Variants in TOMM6 observed in about 807,000 individuals in gnomAD.
TOMM6 encodes the protein mitochondrial import receptor subunit TOM6 homolog.
TOMM6 carries 6 observed loss-of-function variants against 6.0 expected under a neutral mutation model. The ratio of observed to expected loss-of-function variants is 1.00; its 90% confidence interval spans 0.55 to 1.98. TOMM6 has a LOEUF of 1.98. Ranked by LOEUF, TOMM6 falls within the 30% of genes most tolerant of loss-of-function variation. The pLI is 0.00. For synonymous variants in TOMM6, 44 were observed against 36.3 expected (o/e 1.21, Z -0.76); for missense variants, 104 against 95.3 (o/e 1.09, Z -0.38).
At position 41,788,146 on chromosome 6, in the gene TOMM6, G is replaced by GTTTT. The variant is rs1363261822; in HGVS notation, c.128+334_128+337dup. Among the ~76,000 whole-genome samples the GTTTT allele has an allele frequency of 3.1e-5, 3 of 95,966 alleles. 1 individual carries two copies. Among genetic ancestry groups the GTTTT allele is most frequent in the Non-Finnish European group, 6.6e-5 (3 of 45,152 alleles). The allele number at this position is 95,966 out of a possible 152,430, so 63.0% of individuals were successfully genotyped here. A position where few individuals can be genotyped will look rare whatever the true frequency, so the allele number is the denominator to read the frequency against. Reference sequence around the variant, plus strand: ...GCGTTTGATCTTACATTTCTTTTTTGTTTTTTTTTTTTTTTTGAGACGGAG... The same window carrying GTTTT: ...GCGTTTGATCTTACATTTCTTTTTTGTTTTTTTTTTTTTTTTTTTTGAGACGGAG... On this transcript the variant is annotated intron_variant, in intron 1 of 2. Coordinates refer to ENST00000398881, the MANE Select transcript of TOMM6 (RefSeq NM_001382294.1).
rs1312020032 is a variant in TOMM6 at position 41,787,813 on chromosome 6, A to G, written c.116A>G (p.Asn39Ser). ...GTCTACCGCTTTGCCACTGATAGGAATGACTTCCGGAGGTAACCGAGCCCG... is the reference window on the plus strand; with the variant it reads ...GTCTACCGCTTTGCCACTGATAGGAGTGACTTCCGGAGGTAACCGAGCCCG... ...RGVYRFATDRNDFRRNLILNL... is the reference protein window; with the variant it reads ...RGVYRFATDRSDFRRNLILNL... The change falls in exon 1 of 3, where the codon AAT becomes AGT. Residue 39 changes from asparagine (N) to serine (S), a missense_variant. Asn to Ser is a conservative substitution (Grantham distance 46). Transcript: ENST00000398881. The G allele has an allele frequency of 1.3e-6, 2 of 1,551,622 alleles. No homozygotes were observed. The highest frequency in any genetic ancestry group is 1.7e-6 in the Non-Finnish European group (2 of 1,146,996).
rs568384097 is a variant in TOMM6, at chr6:41,789,227, T to C, written c.129-5T>C. The C allele has an allele frequency of 1.0e-5, 16 of 1,550,198 alleles. No homozygotes were observed. In the South Asian group the frequency reaches 1.2e-4, roughly 12 times the overall value. ...CAGGGTTAATAAAACACATTGTTTTTCCAGGAACTTGATACTAAATTTGGG... is the reference window on the plus strand; with the variant it reads ...CAGGGTTAATAAAACACATTGTTTTCCCAGGAACTTGATACTAAATTTGGG... On this transcript the variant is annotated splice_region_variant and splice_polypyrimidine_tract_variant and intron_variant, in intron 1 of 2. Transcript: ENST00000398881.
intron 2 of TOMM6, 97 bp downstream of exon 2, chr6:41,789,433 G>T (rs996547764): frequency 2.1e-6 from 2 of 945,700 alleles, no homozygotes; most frequent in African/African-American, 3.3e-5. Flanking sequence ...ACAAAAGAAT[G>T]TGATGTAAAA....
chr6:41,787,899 C>T (rs1207609051), intron 1 of TOMM6, 74 bp downstream of exon 1: 1 of 1,522,950 alleles, frequency 6.6e-7, no homozygotes, highest in African/African-American at 1.4e-5. Flanking sequence ...GAGGCTGGCG[C>T]CTCAGGGTTT....
intron 1 of TOMM6, among the ~76,000 whole-genome samples, chr6:41,788,979 C>T (rs1208863551): frequency 6.6e-6 from 1 of 152,102 alleles, no homozygotes; most frequent in African/African-American, 2.4e-5. Flanking sequence ...CTCCTGACTT[C>T]GTGATCCGCC....
Position 41,789,216 on chromosome 6 carries a change from C to G in TOMM6, c.129-16C>G, listed in dbSNP as rs1772748162. ...CTCAGTGACCACAGGGTTAATAAAACACATTGTTTTTCCAGGAACTTGATA... is the reference window on the plus strand; with the variant it reads ...CTCAGTGACCACAGGGTTAATAAAAGACATTGTTTTTCCAGGAACTTGATA... On this transcript the variant is annotated splice_polypyrimidine_tract_variant and intron_variant, in intron 1 of 2. Transcript: ENST00000398881. The G allele has an allele frequency of 1.3e-6, 2 of 1,548,862 alleles. No homozygotes were observed. Among genetic ancestry groups the G allele is most frequent in the Non-Finnish European group, 1.7e-6 (2 of 1,145,804 alleles).
At chr6:41,788,534 C>T (rs1279897064) in intron 1 of TOMM6, among the ~76,000 whole-genome samples, 1 of 142,556 alleles carries the variant, frequency 7.0e-6, no homozygotes, top group African/African-American at 2.6e-5. Flanking sequence ...CTCACTGCCC[C>T]TTCTGCCTCC....
intron 1 of TOMM6, 137 bp from the exon 2 acceptor site, chr6:41,789,095 C>A: frequency 1.3e-6 from 1 of 782,820 alleles, no homozygotes; most frequent in Non-Finnish European, 2.1e-6. Flanking sequence ...CCACGTGGGT[C>A]TTGAGCAACC....
intron 1 of TOMM6, 73 bp from the exon 2 acceptor site, chr6:41,789,159 C>G: frequency 7.3e-7 from 1 of 1,369,236 alleles, no homozygotes. Context: ...GAAGCCTTTC[C>G]CCCCAGTACA....
chr6:41,789,429 G>T (rs1227295515), intron 2 of TOMM6, 93 bp downstream of exon 2: 2 of 963,866 alleles, frequency 2.1e-6, no homozygotes, highest in Non-Finnish European at 3.2e-6. Context: ...ATGTACAAAA[G>T]AATGTGATGT....
rs1369387453 is a variant in TOMM6 at position 41,789,794 on chromosome 6, C to G, written c.*235C>G. 6.3e-6 allele frequency: 1 copy of G among 157,498 alleles called. No individual in the cohort carries two copies. Among genetic ancestry groups the G allele is most frequent in the East Asian group, 1.8e-4 (1 of 5,608 alleles). 9.8% of individuals were successfully genotyped at this position (157,498 alleles called of 1,614,324 possible). A position where few individuals can be genotyped will look rare whatever the true frequency, so the allele number is the denominator to read the frequency against. ...TGCCTCTATTCTGTAAAGTTCTGTA[C>G]ATAGTTCCCAAGCTTCTGCAGGGGG... is the stretch of plus-strand genomic sequence containing the variant. On this transcript the variant is annotated 3_prime_UTR_variant, in exon 3 of 3. Coordinates refer to ENST00000398881, the MANE Select transcript of TOMM6 (RefSeq NM_001382294.1).
At chr6:41,789,159 C>T (rs1772746817) in intron 1 of TOMM6, 73 bp from the exon 2 acceptor site, 4 of 1,369,116 alleles carry the variant, frequency 2.9e-6, no homozygotes, top group Non-Finnish European at 4.1e-6. Flanking sequence ...GAAGCCTTTC[C>T]CCCCAGTACA....
Position 41,789,236 on chromosome 6 carries a change from T to C in TOMM6, c.133T>C (p.Leu45=). Residue 45 remains leucine, a synonymous_variant, in exon 2 of 3, where the codon TTG becomes CTG. Transcript: ENST00000398881. ...ATDRNDFRRN[L]ILNLGLFAAG... Reference sequence around the variant, plus strand: ...TAAAACACATTGTTTTTCCAGGAACTTGATACTAAATTTGGGACTCTTTGC... The same window carrying C: ...TAAAACACATTGTTTTTCCAGGAACCTGATACTAAATTTGGGACTCTTTGC... 6.4e-7 allele frequency: 1 copy of C among 1,550,702 alleles called. No homozygotes were observed. Among genetic ancestry groups the C allele is most frequent in the Non-Finnish European group, 8.7e-7 (1 of 1,146,922 alleles).
chr6:41,787,881 T>C (rs1054917514), intron 1 of TOMM6, 56 bp downstream of exon 1: 2 of 1,534,042 alleles, frequency 1.3e-6, no homozygotes, highest in Admixed American at 4.2e-5. Context: ...GTATTTCCCC[T>C]TTCTTGCGAG....
chr6:41,789,304 C>A lies in TOMM6; in HGVS notation c.201C>A (p.Leu67=). The A allele has an allele frequency of 6.4e-7, 1 of 1,551,690 alleles. No individual in the cohort carries two copies. The highest frequency in any genetic ancestry group is 1.4e-5 in the African/African-American group (1 of 73,166). The change falls in exon 2 of 3, where the codon CTC becomes CTA. Residue 67 remains leucine, a synonymous_variant. Transcript: ENST00000398881. ...WLARNLSDID[L]MAPQPGV ...CCAGGAACTTGAGTGACATTGACCT[C>A]ATGGCACCTCAGCCAGGGGTGTAGC...
rs1772753797 is a variant in TOMM6, at chr6:41,789,420, T to C, written c.*8+84T>C. ...TGTTTTCTGTCAAGTATTCATGAAA[T>C]GTACAAAAGAATGTGATGTAAAACC... On this transcript the variant is annotated intron_variant, in intron 2 of 2. Coordinates refer to ENST00000398881, the MANE Select transcript of TOMM6 (RefSeq NM_001382294.1). The C allele has an allele frequency of 7.8e-6, 8 of 1,023,634 alleles. No homozygotes were observed. In the East Asian group the frequency reaches 1.8e-4, roughly 24 times the overall value. 63.4% of individuals were successfully genotyped at this position (1,023,634 alleles called of 1,614,324 possible).
rs1274986226 is a variant in TOMM6, at chr6:41,789,634, G to C, written c.*75G>C. On this transcript the variant is annotated 3_prime_UTR_variant, in exon 3 of 3. Coordinates refer to ENST00000398881, the MANE Select transcript of TOMM6 (RefSeq NM_001382294.1). Reference sequence around the variant, plus strand: ...AGCCTACAATCTGTGACCACCACAAGATGTGCCCTGATGGCAGCTGAAGTT... The same window carrying C: ...AGCCTACAATCTGTGACCACCACAACATGTGCCCTGATGGCAGCTGAAGTT... 1 of 289,020 alleles carries C rather than the reference G, an allele frequency of 3.5e-6. No homozygotes were observed. Among genetic ancestry groups the C allele is most frequent in the African/African-American group, 2.1e-5 (1 of 46,656 alleles). 17.9% of individuals were successfully genotyped at this position (289,020 alleles called of 1,614,324 possible).
chr6:41,789,276 T>A lies in TOMM6; in HGVS notation c.173T>A (p.Leu58Gln). 6.4e-7 allele frequency: 1 copy of A among 1,551,514 alleles called. No homozygotes were observed. The highest frequency in any genetic ancestry group is 8.7e-7 in the Non-Finnish European group (1 of 1,146,992). The stretch of plus-strand genomic sequence containing the variant: ...GGACTCTTTGCTGCGGGAGTTTGGC[T>A]GGCCAGGAACTTGAGTGACATTGAC... ...NLGLFAAGVW[L>Q]ARNLSDIDLM... The change falls in exon 2 of 3, where the codon CTG becomes CAG. Residue 58 changes from leucine to glutamine, a missense_variant. By Grantham distance (113) the Leu-to-Gln change is moderately radical (BLOSUM62 -2). Transcript: ENST00000398881.
At chr6:41,789,474 C>T in intron 2 of TOMM6, 94 bp from the exon 3 acceptor site, 1 of 696,188 alleles carries the variant, frequency 1.4e-6, no homozygotes, top group South Asian at 1.8e-5. Flanking sequence ...AATGTGTTTT[C>T]AGATGTTGAA....
Sources: gnomAD v4.1 joint callset for allele counts (sites outside exome capture counted in the v4.1 genomes callset) on GRCh38, gnomAD v4.1.1 for gene constraint, MANE v1.5 for transcripts, NCBI Gene and HGNC (gene_info 2026-07-23, HGNC 2026-07-21) for gene names.